Variants in ZFHX3 observed in about 807,000 individuals in gnomAD.
ZFHX3 encodes zinc finger homeobox protein 3.
Under a neutral mutation model 279.1 loss-of-function variants are expected in ZFHX3, and 42 were observed. That is an observed-to-expected ratio of 0.15 (90% CI 0.12 to 0.19). ZFHX3 has a LOEUF of 0.19. Among genes scored for constraint, ZFHX3 ranks in the 10% least tolerant of loss-of-function variants. The pLI is 1.00. For synonymous variants in ZFHX3, 2,293 were observed against 1,957.8 expected, an observed-to-expected ratio of 1.17 and a Z score of -4.52; for missense variants, 4,981 against 4,754.0, an observed-to-expected ratio of 1.05 and a Z score of -1.40.
In ZFHX3 at chr16:73,538,286, C is replaced by G. The variant is rs991948797; in HGVS notation, c.-1546-82028G>C. On this transcript the variant is annotated intron_variant, in intron 2 of 17. Coordinates refer to the ZFHX3 transcript ENST00000641206. The stretch of plus-strand genomic sequence containing the variant: ...CATCTTAGGCCCTCTTCTGTTTCCT[C>G]TGCTACACAGAGTTTGGAAAAAAAT... Among the ~76,000 whole-genome samples, 11 of 152,052 alleles carry G rather than the reference C, an allele frequency of 7.2e-5. 1 individual carries two copies. The highest frequency in any genetic ancestry group is 4.6e-4 in the Admixed American group (7 of 15,270).
chr16:73,118,687 A>T (rs992535628), intron 7 of ZFHX3, among the ~76,000 whole-genome samples: 1 of 152,154 alleles, frequency 6.6e-6, no homozygotes, highest in Admixed American at 6.5e-5. Context: ...ATTTCACAGG[A>T]TGTAGTAATT....
chr16:72,866,427 T>C (rs1480631045), intron 4 of ZFHX3, among the ~76,000 whole-genome samples: 1 of 152,142 alleles, frequency 6.6e-6, no homozygotes, highest in Non-Finnish European at 1.5e-5. Flanking sequence ...AACAAACATG[T>C]AGACATTTTT....
At chr16:73,029,058 C>T (rs775660186) in intron 1 of ZFHX3, among the ~76,000 whole-genome samples, 3 of 152,148 alleles carry the variant, frequency 2.0e-5, no homozygotes, top group Non-Finnish European at 2.9e-5. Context: ...GAGCCAAGTG[C>T]ACCTTCCTCA....
chr16:73,006,872 C>A (rs186199985), intron 1 of ZFHX3, among the ~76,000 whole-genome samples: 131 of 152,216 alleles, frequency 8.6e-4, no homozygotes, highest in Non-Finnish European at 1.1e-3. Flanking sequence ...ACTTATAACA[C>A]CTAATGCAAT....
intron 5 of ZFHX3, among the ~76,000 whole-genome samples, chr16:73,153,824 AT>A (rs1344531298): frequency 1.3e-5 from 2 of 151,750 alleles, no homozygotes; most frequent in Admixed American, 1.3e-4. Flanking sequence ...TAATTTTTGT[AT>A]TTTTAGTAGA....
intron 2 of ZFHX3, among the ~76,000 whole-genome samples, chr16:73,638,375 A>G (rs368076434): frequency 2.3e-4 from 35 of 152,214 alleles, no homozygotes; most frequent in East Asian, 7.7e-4. Flanking sequence ...AATCAGCCCA[A>G]TTAGGCATTG....
chr16:72,878,516 GT>G (rs1194804472), intron 4 of ZFHX3, among the ~76,000 whole-genome samples: 1 of 152,236 alleles, frequency 6.6e-6, no homozygotes, highest in Non-Finnish European at 1.5e-5. Flanking sequence ...CATGCAAACT[GT>G]TTCCACTTCT....
chr16:73,261,668 G>GTATTTTTTTTT (rs2013828650), intron 4 of ZFHX3, among the ~76,000 whole-genome samples: 1 of 80,714 alleles, frequency 1.2e-5, no homozygotes, highest in Admixed American at 1.8e-4. Context: ...TCCTGTGATT[G>GTATTTTTTTTT]TTTTTTTTTT....
At chr16:73,120,036 A>G (rs1416806052) in intron 7 of ZFHX3, among the ~76,000 whole-genome samples, 1 of 152,186 alleles carries the variant, frequency 6.6e-6, no homozygotes, top group Non-Finnish European at 1.5e-5. Flanking sequence ...GGTTCCAGCC[A>G]GGAGTCTACT....
intron 3 of ZFHX3, among the ~76,000 whole-genome samples, chr16:73,412,505 C>T (rs1453545068): frequency 1.4e-4 from 1 of 6,954 alleles, no homozygotes; most frequent in East Asian, 2.4e-3. Flanking sequence ...GTAGACAACT[C>T]CCTCCCCTCC....
chr16:73,518,298 A>T (rs2019556590), intron 2 of ZFHX3, among the ~76,000 whole-genome samples: 1 of 152,138 alleles, frequency 6.6e-6, no homozygotes, highest in Non-Finnish European at 1.5e-5. Flanking sequence ...AATGTTATTT[A>T]TTTTTTCATG....
At chr16:73,682,544 C>T (rs1221577260) in intron 1 of ZFHX3, among the ~76,000 whole-genome samples, 1 of 151,670 alleles carries the variant, frequency 6.6e-6, no homozygotes, top group Non-Finnish European at 1.5e-5. Flanking sequence ...CCAGCAGTTT[C>T]GGAAGCCGAG....
intron 3 of ZFHX3, among the ~76,000 whole-genome samples, chr16:72,893,564 G>T (rs1167676808): frequency 2.6e-5 from 4 of 151,436 alleles, no homozygotes; most frequent in Non-Finnish European, 5.9e-5. Flanking sequence ...TATGATAAAA[G>T]ATATTCTAAA....
chr16:73,544,917 G>C (rs1444954457), intron 2 of ZFHX3, among the ~76,000 whole-genome samples: 1 of 152,152 alleles, frequency 6.6e-6, no homozygotes, highest in South Asian at 2.1e-4. Context: ...AGTGCTAGTC[G>C]TGCCAAGTCA....
intron 1 of ZFHX3, among the ~76,000 whole-genome samples, chr16:73,841,202 T>C (rs1488589889): frequency 5.9e-5 from 9 of 152,122 alleles, no homozygotes; most frequent in African/African-American, 1.9e-4. Context: ...CAGAGTCAAA[T>C]TGGAGAACAG....
intron 1 of ZFHX3, among the ~76,000 whole-genome samples, chr16:73,851,011 T>C (rs1170307893): frequency 6.6e-6 from 1 of 151,990 alleles, no homozygotes; most frequent in Non-Finnish European, 1.5e-5. Context: ...TTTTTCCCCC[T>C]CCTTCAAAAT....
At chr16:73,682,839 AG>A (rs2053025452) in intron 1 of ZFHX3, among the ~76,000 whole-genome samples, 1 of 143,870 alleles carries the variant, frequency 7.0e-6, no homozygotes, top group Admixed American at 7.1e-5. Flanking sequence ...AGAGAGAGAG[AG>A]AAAAAAAGAA....
At chr16:73,383,593 C>G (rs549097365) in intron 3 of ZFHX3, among the ~76,000 whole-genome samples, 1 of 151,454 alleles carries the variant, frequency 6.6e-6, no homozygotes, top group Admixed American at 6.6e-5. Flanking sequence ...CAACAGAGCT[C>G]TTGCGGCTCA....
At chr16:73,283,092 A>G (rs1394354232) in intron 4 of ZFHX3, among the ~76,000 whole-genome samples, 24 of 152,222 alleles carry the variant, frequency 1.6e-4, no homozygotes, top group Non-Finnish European at 1.5e-5. Context: ...CTCCTGGCTA[A>G]CTGCTCAACT....
Sources: gnomAD v4.1 joint callset for allele counts (sites outside exome capture counted in the v4.1 genomes callset) on GRCh38, gnomAD v4.1.1 for gene constraint, MANE v1.5 for transcripts, NCBI Gene and HGNC (gene_info 2026-07-23, HGNC 2026-07-21) for gene names.